Variants in GRIA1 observed in about 807,000 individuals in gnomAD.
GRIA1 encodes glutamate ionotropic receptor AMPA type subunit 1.
GRIA1 carries 31 observed loss-of-function variants against 99.2 expected under a neutral mutation model. The observed-to-expected ratio is 0.31, with a 90% CI of 0.23 to 0.42. The LOEUF (loss-of-function observed/expected upper bound fraction) is 0.42, where lower values mean the gene tolerates loss of function less well. Ranked by LOEUF, GRIA1 falls within the 10% of genes least tolerant of loss-of-function variation. The pLI is 1.00. For missense variants in GRIA1, 782 were observed against 1,157.5 expected (o/e 0.68, Z 4.71); for synonymous variants, 438 against 432.4 (o/e 1.01, Z -0.16).
At chr5:153,525,123 C>T (rs1200353947) in intron 2 of GRIA1, 1 of 152,180 alleles carries the variant, frequency 6.6e-6, no homozygotes, top group African/African-American at 2.4e-5. Flanking sequence ...TGCTTCCATT[C>T]AAAAAAGTCA....
intron 2 of GRIA1, among the ~76,000 whole-genome samples, chr5:153,609,794 C>G (rs1765814963): frequency 6.6e-6 from 1 of 151,938 alleles, no homozygotes; most frequent in Non-Finnish European, 1.5e-5. Context: ...ATCTCCTGAC[C>G]TTGTGATCTG....
intron 5 of GRIA1, among the ~76,000 whole-genome samples, chr5:153,666,419 G>C (rs1406507814): frequency 3.3e-5 from 5 of 152,174 alleles, no homozygotes; most frequent in African/African-American, 1.2e-4. Context: ...CATTAAAGGA[G>C]CTAAGGGAAA....
intron 2 of GRIA1, among the ~76,000 whole-genome samples, chr5:153,635,603 C>A (rs1253685103): frequency 6.6e-6 from 1 of 152,142 alleles, no homozygotes; most frequent in East Asian, 1.9e-4. Flanking sequence ...CTGAACCTAA[C>A]CCAAGAATGA....
intron 11 of GRIA1, among the ~76,000 whole-genome samples, chr5:153,740,432 A>G (rs1761698862): frequency 6.6e-6 from 1 of 152,212 alleles, no homozygotes; most frequent in Non-Finnish European, 1.5e-5. Flanking sequence ...AGTGTCAGGC[A>G]CATAGTAGCC....
At chr5:153,568,180 A>G (rs1050599385) in intron 2 of GRIA1, among the ~76,000 whole-genome samples, 6 of 152,198 alleles carry the variant, frequency 3.9e-5, no homozygotes, top group African/African-American at 9.6e-5. Flanking sequence ...TAGGATTGCA[A>G]TTGGCCGTTA....
rs76546861 is a variant in GRIA1, at chr5:153,660,110, A to G, written c.699+4238A>G. On this transcript the variant is annotated intron_variant, in intron 5 of 15. Coordinates refer to ENST00000285900, the MANE Select transcript of GRIA1 (RefSeq NM_000827.4). ...TGACTGAGCTGCAGAGGAGAAAGAC[A>G]GGAACCTAATTAATGGAGTTTGGCT... Among the ~76,000 whole-genome samples the G allele has an allele frequency of 9.1e-3, 1,388 of 152,324 alleles. 20 individuals carry two copies. The highest frequency in any genetic ancestry group is 0.03 in the African/African-American group (1,229 of 41,576).
intron 2 of GRIA1, among the ~76,000 whole-genome samples, chr5:153,523,509 A>G (rs1363093440): frequency 1.4e-5 from 1 of 74,010 alleles, no homozygotes; most frequent in Non-Finnish European, 3.7e-5. Context: ...ACTGCTTTGA[A>G]CATTTTTTTT....
chr5:153,708,306 C>T (rs1759062649), intron 11 of GRIA1, among the ~76,000 whole-genome samples: 1 of 152,222 alleles, frequency 6.6e-6, no homozygotes, highest in East Asian at 1.9e-4. Context: ...TTCTTTGTTC[C>T]TGTGTTACTC....
intron 14 of GRIA1, among the ~76,000 whole-genome samples, chr5:153,801,734 C>T (rs930826083): frequency 6.6e-6 from 1 of 152,082 alleles, no homozygotes; most frequent in African/African-American, 2.4e-5. Flanking sequence ...TATTCTAAGC[C>T]CCCTAGTTTT....
intron 7 of GRIA1, among the ~76,000 whole-genome samples, chr5:153,678,849 C>A (rs1756775907): frequency 6.6e-6 from 1 of 152,214 alleles, no homozygotes; most frequent in African/African-American, 2.4e-5. Flanking sequence ...GGGCCCCTGG[C>A]TCTCTGGATG....
At chr5:153,517,155 G>A (rs745511834) in intron 2 of GRIA1, among the ~76,000 whole-genome samples, 9 of 152,044 alleles carry the variant, frequency 5.9e-5, no homozygotes, top group South Asian at 2.1e-4. Flanking sequence ...TGCTTTTTTC[G>A]TGGTCCTGCC....
intron 2 of GRIA1, among the ~76,000 whole-genome samples, chr5:153,623,973 A>T (rs1767324351): frequency 6.6e-6 from 1 of 152,202 alleles, no homozygotes; most frequent in Admixed American, 6.5e-5. Flanking sequence ...TATGGATTGA[A>T]ATCATACTAA....
intron 7 of GRIA1, among the ~76,000 whole-genome samples, chr5:153,684,131 A>T (rs553592779): frequency 1.3e-5 from 2 of 152,290 alleles, no homozygotes; most frequent in South Asian, 2.1e-4. Context: ...AGATCACTTT[A>T]CTTCCCAGAA....
At chr5:153,690,487 G>C (rs1757665539) in intron 8 of GRIA1, among the ~76,000 whole-genome samples, 1 of 152,140 alleles carries the variant, frequency 6.6e-6, no homozygotes, top group African/African-American at 2.4e-5. Flanking sequence ...TGTCAGGATT[G>C]AATAAGACAA....
At chr5:153,801,486 C>T (rs1766023669) in intron 14 of GRIA1, among the ~76,000 whole-genome samples, 6 of 152,224 alleles carry the variant, frequency 3.9e-5, no homozygotes, top group Non-Finnish European at 1.5e-5. Flanking sequence ...CTGGCCACCT[C>T]CCACTAGACA....
chr5:153,509,909 C>A (rs1182186835), intron 2 of GRIA1, among the ~76,000 whole-genome samples: 2 of 152,142 alleles, frequency 1.3e-5, no homozygotes, highest in Non-Finnish European at 2.9e-5. Context: ...TCAGAAAATT[C>A]AATGTTCTTG....
chr5:153,723,488 G>C (rs148760004), intron 11 of GRIA1, among the ~76,000 whole-genome samples: 8,374 of 152,316 alleles, frequency 0.055, 291 homozygotes, highest in Non-Finnish European at 0.075. Context: ...CCCTTTCCTA[G>C]TCAAAGAAAG....
At chr5:153,664,513 C>CT (rs56837133) in intron 5 of GRIA1, among the ~76,000 whole-genome samples, 314 of 146,244 alleles carry the variant, frequency 2.1e-3, no homozygotes, top group East Asian at 7.2e-3. Flanking sequence ...ACCAAAGGCA[C>CT]TTTTTTTTTT....
At chr5:153,619,051 A>C (rs971798338) in intron 2 of GRIA1, among the ~76,000 whole-genome samples, 1 of 152,198 alleles carries the variant, frequency 6.6e-6, no homozygotes. Context: ...GTCTGTGCAG[A>C]CTTAGATAGC....
Sources: gnomAD v4.1 joint callset for allele counts (sites outside exome capture counted in the v4.1 genomes callset) on GRCh38, gnomAD v4.1.1 for gene constraint, MANE v1.5 for transcripts, NCBI Gene and HGNC (gene_info 2026-07-23, HGNC 2026-07-21) for gene names.